Variants in XKRX observed in about 807,000 individuals in gnomAD.
The protein encoded by XKRX is XK-related protein 2.
In XKRX, 11 loss-of-function variants were observed where a neutral mutation model predicts 22.4. The ratio of observed to expected loss-of-function variants is 0.49; its 90% CI spans 0.31 to 0.81. The LOEUF is 0.81. Among genes scored for constraint, XKRX ranks in the 40% least tolerant of loss-of-function variants. The probability of loss-of-function intolerance (pLI) is 0.05; values close to 1 mark genes in which losing one functional copy is unlikely to be tolerated. For synonymous variants in XKRX, 114 were observed against 132.2 expected, an observed-to-expected ratio of 0.86 and a Z score of 0.94; for missense variants, 320 against 336.5, an observed-to-expected ratio of 0.95 and a Z score of 0.38.
At chrX:100,906,525 T>A in the XKRX span, among the ~76,000 whole-genome samples, 1 of 111,857 alleles carries the variant, frequency 8.9e-6, no homozygotes, top group East Asian at 2.8e-4. Flanking sequence ...TGTGTTAAAT[T>A]GCAATTATCT....
chrX:100,910,550 A>G (rs957725856), downstream of XKRX, among the ~76,000 whole-genome samples: 2 of 104,755 alleles, frequency 1.9e-5, no homozygotes, highest in Admixed American at 2.1e-4. Flanking sequence ...ATGCCACTGC[A>G]CTCCAGCCTG....
rs376239064 is a variant in XKRX, at chrX:100,923,039, A to C, written c.358T>G (p.Tyr120Asp). The change falls in exon 2 of 3, where the codon TAC becomes GAC. Residue 120 changes from tyrosine to aspartate, a missense_variant. Transcript: ENST00000372956. ...TCCTCTTTCTTCCACAGTGTGAGGT[A>C]CTTAATCATGGCCTCCAAACATCTG... ...VIRCLEAMIK[Y>D]LTLWKKEEQE... 8 of 1,209,947 alleles carry C rather than the reference A, an allele frequency of 6.6e-6. No homozygotes were observed. In the African/African-American group the frequency reaches 1.0e-4, roughly 16 times the overall value.
the XKRX span, among the ~76,000 whole-genome samples, chrX:100,936,141 C>T: frequency 1.8e-5 from 2 of 111,492 alleles, no homozygotes; most frequent in Admixed American, 1.9e-4. Flanking sequence ...ATTTCTGTTG[C>T]TCACAACTGA....
chrX:100,947,420 G>T, the XKRX span, among the ~76,000 whole-genome samples: 1 of 112,151 alleles, frequency 8.9e-6, no homozygotes, highest in African/African-American at 3.2e-5. Flanking sequence ...ATATCATCAC[G>T]CTAATTAAAT....
rs201632536 is a variant in XKRX, at chrX:100,917,614, GAGAA to G, written c.605-2535_605-2532del. On this transcript the variant is annotated intron_variant, in intron 2 of 2. Coordinates refer to ENST00000372956, the MANE Select transcript of XKRX (RefSeq NM_212559.3). ...AGAAAGAAAAAGAAAAGGAAAAAGA[GAGAA>G]AGAAAGAGAAAGAAAGAAGAAAGAA... 5.3e-3 allele frequency among the ~76,000 whole-genome samples: 379 copies of G among 72,067 alleles called. 9 individuals are homozygous for G. Among genetic ancestry groups the G allele is most frequent in the African/African-American group, 0.019 (333 of 17,412 alleles). 62.6% of individuals were successfully genotyped at this position (72,067 alleles called of 115,157 possible). A position where few individuals can be genotyped will look rare whatever the true frequency, so the allele number is the denominator to read the frequency against.
At chrX:100,915,427 C>A (rs1017491929) in intron 2 of XKRX, among the ~76,000 whole-genome samples, 3 of 109,848 alleles carry the variant, frequency 2.7e-5, no homozygotes, top group Non-Finnish European at 3.8e-5. Context: ...AGAAAAAGGA[C>A]CTTGTACACT....
chrX:100,910,884 T>C (rs1415051271), downstream of XKRX: 7 of 681,495 alleles, frequency 1.0e-5, no homozygotes, highest in Non-Finnish European at 1.6e-5. Context: ...GCTGAGAAAA[T>C]ACAAATGAAA....
chrX:100,900,640 A>G, the XKRX span, among the ~76,000 whole-genome samples: 1 of 109,057 alleles, frequency 9.2e-6, no homozygotes, highest in African/African-American at 3.3e-5. Flanking sequence ...CGCTTCTGTA[A>G]AATTAAAAAA....
At chrX:100,956,682 C>T in the XKRX span, 1 of 551,056 alleles carries the variant, frequency 1.8e-6, no homozygotes, top group Non-Finnish European at 3.3e-6. Flanking sequence ...TTGGACCTCT[C>T]ATGAAAGTGA....
chrX:100,938,989 G>C, the XKRX span, among the ~76,000 whole-genome samples: 2 of 111,909 alleles, frequency 1.8e-5, no homozygotes, highest in East Asian at 5.6e-4. Flanking sequence ...ATTCCACATA[G>C]TGCTGCCCTA....
In XKRX at chrX:100,926,140, T is replaced by C. The variant is rs191596443; in HGVS notation, c.335+1830A>G. 5.3e-3 allele frequency among the ~76,000 whole-genome samples: 597 copies of C among 112,068 alleles called. 2 individuals carry two copies. Among genetic ancestry groups the C allele is most frequent in the Non-Finnish European group, 8.2e-3 (438 of 53,251 alleles). On this transcript the variant is annotated intron_variant, in intron 1 of 2. Transcript: ENST00000372956. The stretch of plus-strand genomic sequence containing the variant: ...CACACAAGGCTACTGTTTTTTCTTA[T>C]ACTAGGCCTGCTTCATTCATTTATG...
chrX:100,928,519 A>T lies in XKRX; in HGVS notation c.-215T>A, dbSNP rs2085508257. ...CTGGGATGGAAAGCCCAGGAGTACC[A>T]CTTTGAACTTGACTCTTGATTGGCC... On this transcript the variant is annotated 5_prime_UTR_variant, in exon 1 of 3. Coordinates refer to ENST00000372956, the MANE Select transcript of XKRX (RefSeq NM_212559.3). 3 of 1,044,910 alleles carry T rather than the reference A, an allele frequency of 2.9e-6. No individual in the cohort carries two copies. Among genetic ancestry groups the T allele is most frequent in the Non-Finnish European group, 3.7e-6 (3 of 818,781 alleles). The allele number at this position is 1,044,910 out of a possible 1,213,427, so 86.1% of individuals were successfully genotyped here.
chrX:100,920,552 A>G (rs1359906897), intron 2 of XKRX, among the ~76,000 whole-genome samples: 1 of 111,006 alleles, frequency 9.0e-6, no homozygotes, highest in South Asian at 3.8e-4. Context: ...ACCATGTCTG[A>G]CTTTTGTAAT....
At chrX:100,945,601 T>C in the XKRX span, among the ~76,000 whole-genome samples, 3 of 110,988 alleles carry the variant, frequency 2.7e-5, no homozygotes, top group Non-Finnish European at 5.7e-5. Context: ...CAGACCTGAA[T>C]TTCAATCCCA....
the XKRX span, among the ~76,000 whole-genome samples, chrX:100,950,730 T>C: frequency 8.9e-6 from 1 of 112,075 alleles, no homozygotes; most frequent in Non-Finnish European, 1.9e-5. Flanking sequence ...TAGAAATTAA[T>C]AACTAAAAGA....
the XKRX span, among the ~76,000 whole-genome samples, chrX:100,934,889 T>C: frequency 1.8e-5 from 2 of 112,015 alleles, no homozygotes; most frequent in Non-Finnish European, 3.8e-5. Context: ...TTTATCTGTC[T>C]TTTTAATTAT....
At chrX:100,888,078 T>C in the XKRX span, 1,365 of 1,151,498 alleles carry the variant, frequency 1.2e-3, 2 homozygotes, top group Non-Finnish European at 1.5e-3. Context: ...TTCACAGTTG[T>C]GGCCATTCAC....
At chrX:100,941,755 C>T in the XKRX span, among the ~76,000 whole-genome samples, 25 of 111,862 alleles carry the variant, frequency 2.2e-4, no homozygotes, top group African/African-American at 6.2e-4. Flanking sequence ...ACATTGCTTC[C>T]TGTGAACTTA....
the XKRX span, among the ~76,000 whole-genome samples, chrX:100,898,997 G>C: frequency 9.0e-6 from 1 of 110,790 alleles, no homozygotes; most frequent in Non-Finnish European, 1.9e-5. Flanking sequence ...TCCACAACAA[G>C]CAGAAACAAA....
Sources: allele counts gnomAD v4.1 joint callset (sites outside exome capture counted in the v4.1 genomes callset), GRCh38; gene constraint gnomAD v4.1.1; transcripts MANE v1.5; gene names NCBI Gene and HGNC (gene_info 2026-07-23, HGNC 2026-07-21).